Variants in HAS1 observed in about 807,000 individuals in gnomAD.
HAS1 encodes the protein HA synthase 1.
HAS1 carries 27 observed loss-of-function variants against 35.0 expected under a neutral mutation model. The observed-to-expected ratio is 0.77, with a 90% CI of 0.57 to 1.06. The LOEUF is 1.06. HAS1 is among the 50% of genes least tolerant of loss of function. The pLI, the probability that HAS1 is intolerant of heterozygous loss-of-function variation, is 0.00. For synonymous variants in HAS1, 409 were observed against 371.2 expected, an observed-to-expected ratio of 1.10 and a Z score of -1.17; for missense variants, 940 against 814.8, an observed-to-expected ratio of 1.15 and a Z score of -1.87.
intron 2 of HAS1, among the ~76,000 whole-genome samples, chr19:51,718,875 C>G: frequency 6.6e-6 from 1 of 152,050 alleles, no homozygotes; most frequent in Non-Finnish European, 1.5e-5. Flanking sequence ...ACAAATGAAT[C>G]TCTATATTGA....
At position 51,713,821 on chromosome 19, in the gene HAS1, A is replaced by G. The variant is rs747673611; in HGVS notation, c.1340T>C (p.Phe447Ser). The change falls in exon 5 of 5, where the codon TTC (phenylalanine) becomes TCC (serine). Residue 447 changes from phenylalanine (F) to serine (S), a missense_variant. Phe to Ser is a radical substitution (Grantham distance 155). Coordinates refer to ENST00000540069, the MANE Select transcript of HAS1 (RefSeq NM_001297436.2). The surrounding 1 kb of genome is among the most constrained non-coding windows in gnomAD (Gnocchi z 4.5). ...VQGVALAKAA[F>S]AAWLRGCLRM... The stretch of plus-strand genomic sequence containing the variant: ...CAGGCAGCCCCGCAGCCAGGCCGCG[A>G]AGGCCGCCTTGGCCAGTGCCACGCC... The G allele has an allele frequency of 5.0e-6, 8 of 1,607,040 alleles. No homozygotes were observed. In the South Asian group the frequency reaches 8.8e-5, roughly 18 times the overall value.
At chr19:51,721,101 G>T (rs757177242) in intron 1 of HAS1, among the ~76,000 whole-genome samples, 19 of 152,186 alleles carry the variant, frequency 1.2e-4, no homozygotes, top group Non-Finnish European at 1.9e-4. Flanking sequence ...TCACACAGAG[G>T]TTCAGCAATT....
rs1246651108 is a variant in HAS1 at position 51,719,412 on chromosome 19, A to C, written c.493T>G (p.Tyr165Asp). The C allele has an allele frequency of 1.3e-6, 2 of 1,564,370 alleles. No homozygotes were observed. The highest frequency in any genetic ancestry group is 2.7e-5 in the African/African-American group (2 of 73,392). Reference sequence around the variant, plus strand: ...GCCGCGGGTTCCCAGGGCTGGTGGTAGTTGCCGTCCCACACGTACGTGGCG... The same window carrying C: ...GCCGCGGGTTCCCAGGGCTGGTGGTCGTTGCCGTCCCACACGTACGTGGCG... ...DPATYVWDGN[Y>D]HQPWEPAAAG... Residue 165 changes from tyrosine (Y) to aspartate (D), a missense_variant, in exon 2 of 5, where the codon TAC becomes GAC. Transcript: ENST00000540069.
chr19:51,713,730 C>T lies in HAS1; in HGVS notation c.1431G>A (p.Leu477=), dbSNP rs777817326. The T allele has an allele frequency of 1.2e-6, 2 of 1,607,376 alleles. No individual in the cohort carries two copies. The highest frequency in any genetic ancestry group is 1.3e-5 in the African/African-American group (1 of 74,882). ...YMCGLLPAKF[L]ALVTMNQSGW... is the part of the protein sequence containing the mutation. ...CACTCTGGTTCATGGTGACTAGCGC[C>T]AGGAACTTGGCAGGCAGGAGGCCAC... Residue 477 remains leucine (L), a synonymous_variant, in exon 5 of 5, where the codon CTG becomes CTA. Transcript: ENST00000540069. This position sits in a 1 kb window ranked among gnomAD's most constrained non-coding sequence, Gnocchi z 4.5.
chr19:51,713,591 C>T lies in HAS1; in HGVS notation c.1570G>A (p.Ala524Thr), dbSNP rs563221644. 141 of 1,558,970 alleles carry T rather than the reference C, an allele frequency of 9.0e-5. 2 individuals are homozygous for T. In the South Asian group the frequency reaches 1.6e-3, roughly 17 times the overall value. The change falls in exon 5 of 5, where the codon GCC becomes ACC. Residue 524 changes from alanine to threonine, a missense_variant. Physicochemically the swap from Ala to Thr is moderately conservative, Grantham distance 58. Coordinates refer to ENST00000540069, the MANE Select transcript of HAS1 (RefSeq NM_001297436.2). The surrounding 1 kb of genome is among the most constrained non-coding windows in gnomAD (Gnocchi z 4.5). ...GAAGGGCCGCTCCAGTCGGCCCTGG[C>T]CTCGTGTGCTACGCTGCGGACCAGG... The part of the protein sequence containing the change: ...GGLVRSVAHE[A>T]RADWSGPSRA...
intron 1 of HAS1, among the ~76,000 whole-genome samples, chr19:51,723,581 C>T (rs2083645416): frequency 1.3e-5 from 2 of 152,258 alleles, no homozygotes; most frequent in African/African-American, 4.8e-5. Context: ...CTCTTTCATT[C>T]GCTCACTGTC....
At position 51,714,066 on chromosome 19, in the gene HAS1, G is replaced by C; in HGVS notation, c.1095C>G (p.Pro365=). The change falls in exon 5 of 5, where the codon CCC becomes CCG. Residue 365 remains proline, a synonymous_variant. Coordinates refer to ENST00000540069, the MANE Select transcript of HAS1 (RefSeq NM_001297436.2). The stretch of plus-strand genomic sequence containing the variant: ...GGCTCAGCCACCGCAGGAAGGACGA[G>C]GGCGTCTCTGAGTAGCAGCGGGACC... ...TSRSRCYSET[P]SSFLRWLSQQ... 6.2e-7 allele frequency: 1 copy of C among 1,613,612 alleles called. No individual in the cohort carries two copies. Among genetic ancestry groups the C allele is most frequent in the Admixed American group, 1.7e-5 (1 of 59,950 alleles).
intron 3 of HAS1, 116 bp downstream of exon 3, chr19:51,716,852 A>G (rs1288659529): frequency 1.3e-6 from 1 of 770,818 alleles, no homozygotes; most frequent in African/African-American, 1.7e-5. Context: ...TCCCATCCCC[A>G]ATTCCTGCCC....
intron 3 of HAS1, 96 bp from the exon 4 acceptor site, chr19:51,716,484 A>G (rs2083587622): frequency 9.8e-7 from 1 of 1,016,488 alleles, no homozygotes; most frequent in Non-Finnish European, 1.4e-6. Context: ...TCCAGTTCCA[A>G]CCCCATCCTC....
In HAS1 at chr19:51,713,303, C is replaced by G. The variant is rs2083552619; in HGVS notation, c.*124G>C. On this transcript the variant is annotated 3_prime_UTR_variant, in exon 5 of 5. Coordinates refer to ENST00000540069, the MANE Select transcript of HAS1 (RefSeq NM_001297436.2). The surrounding 1 kb of genome is among the most constrained non-coding windows in gnomAD (Gnocchi z 4.5). The stretch of plus-strand genomic sequence containing the variant: ...GACTGAAGAATCTTGGGCTGACCCC[C>G]TCGTTTTGCAGAGGAGGGAAACTGA... 2 of 948,280 alleles carry G rather than the reference C, an allele frequency of 2.1e-6. No individual in the cohort carries two copies. Among genetic ancestry groups the G allele is most frequent in the African/African-American group, 1.7e-5 (1 of 58,656 alleles). 58.7% of individuals were successfully genotyped at this position (948,280 alleles called of 1,614,324 possible). A position where few individuals can be genotyped will look rare whatever the true frequency, so the allele number is the denominator to read the frequency against.
At position 51,713,517 on chromosome 19, in the gene HAS1, C is replaced by T. The variant is rs1296930558; in HGVS notation, c.1644G>A (p.Val548=). 25 of 1,604,128 alleles carry T rather than the reference C, an allele frequency of 1.6e-5. No homozygotes were observed. Among genetic ancestry groups the T allele is most frequent in the African/African-American group, 2.7e-5 (2 of 74,690 alleles). ...YHLAAGAGAY[V]GYWVAMLTLY... ...GCGTCAACATGGCCACCCAGTAGCC[C>T]ACGTAGGCGCCGGCCCCCGCGGCCA... is the stretch of plus-strand genomic sequence containing the variant. Residue 548 remains valine, a synonymous_variant, in exon 5 of 5, where the codon GTG becomes GTA. Transcript: ENST00000540069. This position sits in a 1 kb window ranked among gnomAD's most constrained non-coding sequence, Gnocchi z 4.5.
chr19:51,714,740 T>C (rs954067941), intron 4 of HAS1, among the ~76,000 whole-genome samples: 4 of 146,764 alleles, frequency 2.7e-5, no homozygotes, highest in African/African-American at 1.0e-4. Context: ...ACTGTAAGGA[T>C]TGAATGAAAT....
rs1277726784 is a variant in HAS1, at chr19:51,713,670, A to T, written c.1491T>A (p.Ala497=). Residue 497 remains alanine (A), a synonymous_variant, in exon 5 of 5, where the codon GCT becomes GCA. Transcript: ENST00000540069. This position sits in a 1 kb window ranked among gnomAD's most constrained non-coding sequence, Gnocchi z 4.5. ...CCAGGGGCAGCAGAGGGACGTAGTTAGCGGCCAGCTTCCGCCGGCCCGAGG... is the reference window on the plus strand; with the variant it reads ...CCAGGGGCAGCAGAGGGACGTAGTTTGCGGCCAGCTTCCGCCGGCCCGAGG... ...WGTSGRRKLA[A]NYVPLLPLAL... 6.3e-7 allele frequency: 1 copy of T among 1,583,614 alleles called. No homozygotes were observed. Among genetic ancestry groups the T allele is most frequent in the Non-Finnish European group, 8.6e-7 (1 of 1,166,382 alleles).
rs982955527 is a variant in HAS1, at chr19:51,719,487, C to G, written c.418G>C (p.Asp140His). ...LMVVDGNRAE[D>H]LYMVDMFREV... ...CGGAACATGTCGACCATGTAGAGGTCCTCGGCGCGGTTGCCATCCACCACC... is the reference window on the plus strand; with the variant it reads ...CGGAACATGTCGACCATGTAGAGGTGCTCGGCGCGGTTGCCATCCACCACC... The change falls in exon 2 of 5, where the codon GAC becomes CAC. Residue 140 changes from aspartate to histidine, a missense_variant. By Grantham distance (81) the Asp-to-His change is moderately conservative. Transcript: ENST00000540069. 1 of 1,550,676 alleles carries G rather than the reference C, an allele frequency of 6.4e-7. No homozygotes were observed. The highest frequency in any genetic ancestry group is 8.7e-7 in the Non-Finnish European group (1 of 1,146,700).
intron 4 of HAS1, among the ~76,000 whole-genome samples, chr19:51,716,025 C>T (rs1427385386): frequency 6.6e-6 from 1 of 152,148 alleles, no homozygotes; most frequent in Non-Finnish European, 1.5e-5. Flanking sequence ...CAGCCTTGTC[C>T]CTTATAGTAT....
rs768147789 is a variant in HAS1 at position 51,716,256 on chromosome 19, TTGG to T, written c.1055_1057del (p.Thr352del). On this transcript the variant is annotated inframe_deletion and splice_region_variant, in exon 4 of 5. Transcript: ENST00000540069. ...CGACCACCTGGTCCCCTCAGCTTACTTGGTAGCATAACCCATGCTGAGCATGCG... is the reference window on the plus strand; with the variant it reads ...CGACCACCTGGTCCCCTCAGCTTACTTAGCATAACCCATGCTGAGCATGCG... The T allele has an allele frequency of 8.7e-6, 14 of 1,612,886 alleles. No homozygotes were observed. Among genetic ancestry groups the T allele is most frequent in the Admixed American group, 3.3e-5 (2 of 59,850 alleles).
At chr19:51,722,034 C>T (rs1205634442) in intron 1 of HAS1, among the ~76,000 whole-genome samples, 5 of 152,174 alleles carry the variant, frequency 3.3e-5, no homozygotes, top group Non-Finnish European at 5.9e-5. Context: ...AAAACTCAGG[C>T]AGTCTGGCTC....
chr19:51,722,364 G>A (rs897454721), intron 1 of HAS1, among the ~76,000 whole-genome samples: 14 of 152,188 alleles, frequency 9.2e-5, no homozygotes, highest in African/African-American at 3.4e-4. Flanking sequence ...TCTAAACACA[G>A]ATTAGGTATT....
intron 4 of HAS1, among the ~76,000 whole-genome samples, chr19:51,715,210 A>G (rs1464029091): frequency 6.6e-6 from 1 of 152,118 alleles, no homozygotes. Flanking sequence ...CGGCTGCCAG[A>G]GGGATCCCAT....
Sources: gnomAD v4.1 joint callset for allele counts (sites outside exome capture counted in the v4.1 genomes callset) on GRCh38, gnomAD v4.1.1 for gene constraint, Gnocchi (gnomAD v3.1) non-coding constraint, MANE v1.5 for transcripts, NCBI Gene and HGNC (gene_info 2026-07-23, HGNC 2026-07-21) for gene names.